TLN2: variants seen among roughly 807,000 people sequenced by gnomAD.
The protein encoded by TLN2 is talin 2, also known as talin-2.
A neutral mutation model predicts 294.7 loss-of-function variants in TLN2; 118 were observed. The observed-to-expected ratio is 0.40, with a 90% CI of 0.34 to 0.47. The LOEUF is 0.47. Among genes scored for constraint, TLN2 ranks in the 20% least tolerant of loss-of-function variants. The pLI, the probability that TLN2 is intolerant of heterozygous loss-of-function variation, is 0.84. For missense variants in TLN2, 3,083 were observed against 3,282.2 expected (o/e 0.94, Z 1.48); for synonymous variants, 1,431 against 1,304.5 (o/e 1.10, Z -2.09).
At chr15:62,696,495 T>A (rs961650027) in intron 14 of TLN2, among the ~76,000 whole-genome samples, 1 of 152,102 alleles carries the variant, frequency 6.6e-6, no homozygotes, top group African/African-American at 2.4e-5. Context: ...TCACCTGAGG[T>A]CAGGAGTTCA....
intron 1 of TLN2, among the ~76,000 whole-genome samples, chr15:62,533,677 G>A (rs1472824945): frequency 1.3e-5 from 2 of 152,122 alleles, no homozygotes; most frequent in African/African-American, 4.8e-5. Flanking sequence ...TGCCAGGAGG[G>A]TTTGAATTAT....
intron 1 of TLN2, among the ~76,000 whole-genome samples, chr15:62,536,637 T>A (rs535758038): frequency 6.6e-6 from 1 of 152,130 alleles, no homozygotes; most frequent in East Asian, 1.9e-4. Flanking sequence ...AGATGTGCCA[T>A]CTGTGCGATG....
chr15:62,702,222 T>C (rs1019614746), intron 18 of TLN2, 22 bp downstream of exon 18: 1 of 1,557,546 alleles, frequency 6.4e-7, no homozygotes, highest in Non-Finnish European at 8.7e-7. Context: ...AGGCAAGCAA[T>C]CACTCAGGTT....
At chr15:62,730,145 CAGCCTCCTGCCT>C (rs2060643911) in intron 28 of TLN2, among the ~76,000 whole-genome samples, 1 of 129,098 alleles carries the variant, frequency 7.7e-6, no homozygotes, top group Non-Finnish European at 1.9e-5. Flanking sequence ...TCTCCTGCCT[CAGCCTCCTGCCT>C]CAGCCTCCTA....
chr15:62,791,260 C>T (rs2065057818), intron 45 of TLN2, among the ~76,000 whole-genome samples: 1 of 152,006 alleles, frequency 6.6e-6, no homozygotes. Context: ...GAGGCTGAGG[C>T]AGGAGAATGC....
intron 3 of TLN2, among the ~76,000 whole-genome samples, chr15:62,621,162 C>T (rs2048791782): frequency 6.6e-6 from 1 of 152,032 alleles, no homozygotes; most frequent in African/African-American, 2.4e-5. Context: ...TATATAGCAC[C>T]TTGGGACTTA....
At chr15:62,459,814 G>GGGCCAC (rs1376509400) in intron 1 of TLN2, among the ~76,000 whole-genome samples, 104 of 152,312 alleles carry the variant, frequency 6.8e-4, no homozygotes, top group African/African-American at 2.2e-3. Flanking sequence ...CTTAGTGTCT[G>GGGCCAC]AGGTCCTAAG....
intron 45 of TLN2, among the ~76,000 whole-genome samples, chr15:62,786,980 A>G (rs371041340): frequency 6.6e-6 from 1 of 152,010 alleles, no homozygotes; most frequent in Non-Finnish European, 1.5e-5. Flanking sequence ...AGCTTACTAC[A>G]GCCTTGAGCT....
intron 1 of TLN2, among the ~76,000 whole-genome samples, chr15:62,570,876 G>C (rs555028225): frequency 6.6e-6 from 1 of 151,852 alleles, no homozygotes. Flanking sequence ...TGGTGGCATA[G>C]TGGAAGAAGC....
intron 1 of TLN2, among the ~76,000 whole-genome samples, chr15:62,589,449 A>C (rs2045917752): frequency 1.3e-5 from 2 of 152,250 alleles, no homozygotes; most frequent in African/African-American, 4.8e-5. Flanking sequence ...AAGGAAGAAG[A>C]AAATGTGTTT....
At chr15:62,491,413 A>G (rs923199513) in intron 1 of TLN2, among the ~76,000 whole-genome samples, 3 of 150,414 alleles carry the variant, frequency 2.0e-5, no homozygotes, top group African/African-American at 4.9e-5. Flanking sequence ...TAAGATGTAC[A>G]TTGGTACCTT....
intron 1 of TLN2, among the ~76,000 whole-genome samples, chr15:62,432,714 T>C (rs546536595): frequency 6.6e-6 from 1 of 152,330 alleles, no homozygotes; most frequent in South Asian, 2.1e-4. Flanking sequence ...TTTACTGTGT[T>C]CTTGGCAATA....
chr15:62,500,146 C>T (rs1344105666), intron 1 of TLN2, among the ~76,000 whole-genome samples: 7 of 151,652 alleles, frequency 4.6e-5, no homozygotes, highest in African/African-American at 1.5e-4. Context: ...CGACCAGCCT[C>T]GCCAACACAG....
At chr15:62,572,522 A>G (rs1596186711) in intron 1 of TLN2, among the ~76,000 whole-genome samples, 1 of 152,222 alleles carries the variant, frequency 6.6e-6, no homozygotes, top group Non-Finnish European at 1.5e-5. Flanking sequence ...CTGGGATTAC[A>G]GGGCAGCCTT....
chr15:62,417,170 C>T (rs1004688681), intron 1 of TLN2, among the ~76,000 whole-genome samples: 3 of 152,188 alleles, frequency 2.0e-5, no homozygotes, highest in Admixed American at 1.3e-4. Context: ...AATTCTGCAT[C>T]TGATAGTTGT....
chr15:62,475,461 A>G (rs1416147799), intron 1 of TLN2, among the ~76,000 whole-genome samples: 1 of 152,122 alleles, frequency 6.6e-6, no homozygotes, highest in Non-Finnish European at 1.5e-5. Flanking sequence ...GGAAAGAGGC[A>G]ACTATTTGGA....
At chr15:62,619,781 C>T (rs1204818184) in intron 3 of TLN2, among the ~76,000 whole-genome samples, 1 of 152,142 alleles carries the variant, frequency 6.6e-6, no homozygotes, top group African/African-American at 2.4e-5. Flanking sequence ...GTAGCGTGTT[C>T]CCACTGAAAC....
intron 1 of TLN2, among the ~76,000 whole-genome samples, chr15:62,578,583 A>C (rs552909019): frequency 6.6e-6 from 1 of 151,756 alleles, no homozygotes; most frequent in African/African-American, 2.4e-5. Context: ...ACAAACAAAA[A>C]CCCCCATCTC....
chr15:62,649,539 C>G lies in TLN2; in HGVS notation c.137-545C>G, dbSNP rs540995858. 8.5e-5 allele frequency among the ~76,000 whole-genome samples: 13 copies of G among 152,176 alleles called. No individual in the cohort carries two copies. The South Asian group carries it at 2.5e-3, about 29-fold the overall frequency. On this transcript the variant is annotated intron_variant, in intron 4 of 58. Coordinates refer to ENST00000636159, the MANE Select transcript of TLN2 (RefSeq NM_015059.3). ...GAGAACACCAAATTTAATTTTGCAC[C>G]TTTTACATGATTTGTTGGTGGTCGG...
Sources: allele counts gnomAD v4.1 joint callset (sites outside exome capture counted in the v4.1 genomes callset), GRCh38; gene constraint gnomAD v4.1.1; transcripts MANE v1.5; gene names NCBI Gene and HGNC (gene_info 2026-07-23, HGNC 2026-07-21).